The following NKD2 variants were observed in gnomAD, a reference collection of about 807,000 sequenced individuals.
The protein encoded by NKD2 is protein naked cuticle homolog 2.
Under a neutral mutation model 34.8 loss-of-function variants are expected in NKD2, and 43 were observed. The observed-to-expected ratio is 1.24, with a 90% CI of 0.97 to 1.60. The LOEUF (loss-of-function observed/expected upper bound fraction) is 1.60. NKD2 is among the 40% of genes most tolerant of loss of function. The pLI, the probability that NKD2 is intolerant of heterozygous loss-of-function variation, is 0.00. For synonymous variants in NKD2, 278 were observed against 265.1 expected, an observed-to-expected ratio of 1.05 and a Z score of -0.47; for missense variants, 675 against 627.1, an observed-to-expected ratio of 1.08 and a Z score of -0.82.
Position 1,036,301 on chromosome 5 carries a change from A to C in NKD2, c.704A>C (p.Tyr235Ser), listed in dbSNP as rs752465750. 6.2e-7 allele frequency: 1 copy of C among 1,612,620 alleles called. No homozygotes were observed. The highest frequency in any genetic ancestry group is 8.5e-7 in the Non-Finnish European group (1 of 1,179,708). ...DPQPCSERGP[Y>S]CVDENTERRN... Reference sequence around the variant, plus strand: ...CAGCCCTGCTCGGAGCGGGGGCCCTACTGCGTGGACGAGAACACGGAGCGC... The same window carrying C: ...CAGCCCTGCTCGGAGCGGGGGCCCTCCTGCGTGGACGAGAACACGGAGCGC... Residue 235 changes from tyrosine to serine, a missense_variant, in exon 9 of 10, where the codon TAC (tyrosine) becomes TCC (serine). Physicochemically the swap from Tyr to Ser is moderately radical, Grantham distance 144 (BLOSUM62 -2). Coordinates refer to ENST00000296849, the MANE Select transcript of NKD2 (RefSeq NM_033120.4).
intron 3 of NKD2, among the ~76,000 whole-genome samples, chr5:1,010,415 GT>G (rs2150722819): frequency 6.6e-6 from 1 of 152,284 alleles, no homozygotes; most frequent in South Asian, 2.1e-4. Context: ...CACGCAATCA[GT>G]TTCCTTTTTG....
In NKD2 at chr5:1,033,477, G is replaced by A. The variant is rs890663526; in HGVS notation, c.308G>A (p.Gly103Asp). The A allele has an allele frequency of 8.4e-6, 13 of 1,551,532 alleles. No homozygotes were observed. In the African/African-American group the frequency reaches 1.8e-4, roughly 21 times the overall value. ...AANREGPRGP[G>D]GQRLNIDALQ... ...AACCGCGAGGGCCCGCGAGGACCGG[G>A]CGGGCAGCGCCTCAACATTGACGTG... The change falls in exon 5 of 10, where the codon GGC becomes GAC. Residue 103 changes from glycine to aspartate, a missense_variant. Gly to Asp is a moderately conservative substitution (Grantham distance 94). Transcript: ENST00000296849.
At chr5:1,028,440 A>C (rs199872691) in intron 3 of NKD2, among the ~76,000 whole-genome samples, 280 of 152,052 alleles carry the variant, frequency 1.8e-3, no homozygotes, top group African/African-American at 6.4e-3. Context: ...TGAGTGAGGG[A>C]GTGGGGTTGA....
chr5:1,037,121 A>G (rs1734020737), intron 9 of NKD2, among the ~76,000 whole-genome samples: 1 of 152,070 alleles, frequency 6.6e-6, no homozygotes, highest in African/African-American at 2.4e-5. Flanking sequence ...GGTGGATGGC[A>G]GGCAGCATAG....
At chr5:1,030,451 CTG>C (rs1756600411) in intron 3 of NKD2, among the ~76,000 whole-genome samples, 1 of 152,232 alleles carries the variant, frequency 6.6e-6, no homozygotes, top group African/African-American at 2.4e-5. Flanking sequence ...CACGAGGATT[CTG>C]TGCCCATGGG....
chr5:1,012,978 CA>C (rs1381032312), intron 3 of NKD2, among the ~76,000 whole-genome samples: 1 of 152,166 alleles, frequency 6.6e-6, no homozygotes, highest in Non-Finnish European at 1.5e-5. Flanking sequence ...AGGGTGGGGG[CA>C]AGATACACAT....
chr5:1,033,942 C>A (rs969816728), intron 5 of NKD2, among the ~76,000 whole-genome samples: 1 of 152,230 alleles, frequency 6.6e-6, no homozygotes, highest in African/African-American at 2.4e-5. Flanking sequence ...CCAGTGTGTC[C>A]TCTTCTCCTT....
intron 8 of NKD2, chr5:1,035,766 C>A: frequency 2.1e-6 from 1 of 472,494 alleles, no homozygotes; most frequent in East Asian, 3.5e-5. Flanking sequence ...CCTGTGGCTC[C>A]ACTCAGCAGC....
At chr5:1,013,567 G>A (rs1003187019) in intron 3 of NKD2, among the ~76,000 whole-genome samples, 2 of 152,240 alleles carry the variant, frequency 1.3e-5, no homozygotes, top group African/African-American at 4.8e-5. Context: ...CCATAGGACG[G>A]GTTGGATACC....
At position 1,038,528 on chromosome 5, in the gene NKD2, T is replaced by C; in HGVS notation, c.*155T>C. ...CAACTGACTGCAGGTGCTGGCATGA[T>C]GGAGGTGGTGCACCTTGGACACGTG... is the stretch of plus-strand genomic sequence containing the variant. On this transcript the variant is annotated 3_prime_UTR_variant, in exon 10 of 10. Transcript: ENST00000296849. The surrounding 1 kb of genome is among the most constrained non-coding windows in gnomAD (Gnocchi z 4.5). The C allele has an allele frequency of 1.4e-6, 2 of 1,463,330 alleles. No individual in the cohort carries two copies. The highest frequency in any genetic ancestry group is 1.2e-5 in the South Asian group (1 of 81,928). The allele number at this position is 1,463,330 out of a possible 1,614,324, so 90.6% of individuals were successfully genotyped here. A position where few individuals can be genotyped will look rare whatever the true frequency, so the allele number is the denominator to read the frequency against.
At chr5:1,020,566 A>T (rs574871013) in intron 3 of NKD2, among the ~76,000 whole-genome samples, 4 of 151,752 alleles carry the variant, frequency 2.6e-5, no homozygotes, top group Non-Finnish European at 4.4e-5. Context: ...GCGTCGGTTA[A>T]TGCGGGTAAA....
At chr5:1,019,566 C>T (rs564978882) in intron 3 of NKD2, among the ~76,000 whole-genome samples, 5 of 152,254 alleles carry the variant, frequency 3.3e-5, no homozygotes, top group East Asian at 1.9e-4. Flanking sequence ...GAGATTGTCG[C>T]GTGCAGGGCA....
Position 1,032,214 on chromosome 5 carries a change from T to G in NKD2, c.202+2T>G, listed in dbSNP as rs1295820693. 6.2e-7 allele frequency: 1 copy of G among 1,606,838 alleles called. No individual in the cohort carries two copies. The highest frequency in any genetic ancestry group is 1.1e-5 in the South Asian group (1 of 90,650). ...GGGAGGACCAGTGTCCCCTACAGGGTGAGTGCAGCTCCCGCAGCCCTCCCT... is the reference window on the plus strand; with the variant it reads ...GGGAGGACCAGTGTCCCCTACAGGGGGAGTGCAGCTCCCGCAGCCCTCCCT... On this transcript the variant is annotated splice_donor_variant, in intron 4 of 9. Transcript: ENST00000296849. LOFTEE classifies it high-confidence loss of function.
chr5:1,028,842 G>A (rs1053037276), intron 3 of NKD2, among the ~76,000 whole-genome samples: 2 of 152,102 alleles, frequency 1.3e-5, no homozygotes, highest in Non-Finnish European at 2.9e-5. Flanking sequence ...AGGAGGGCGA[G>A]GCCAGGTGGG....
chr5:1,020,660 G>A (rs1206950351), intron 3 of NKD2, among the ~76,000 whole-genome samples: 1 of 146,488 alleles, frequency 6.8e-6, no homozygotes, highest in Non-Finnish European at 1.5e-5. Context: ...CTGACCACGT[G>A]TTGCTTGTCT....
At chr5:1,028,722 G>A (rs961941911) in intron 3 of NKD2, among the ~76,000 whole-genome samples, 1 of 152,114 alleles carries the variant, frequency 6.6e-6, no homozygotes, top group Non-Finnish European at 1.5e-5. Flanking sequence ...GACAGGAAGG[G>A]GGGCGGAACA....
At chr5:1,030,379 C>T (rs1430054757) in intron 3 of NKD2, among the ~76,000 whole-genome samples, 2 of 152,172 alleles carry the variant, frequency 1.3e-5, no homozygotes, top group African/African-American at 2.4e-5. Flanking sequence ...TCGGCAGCCA[C>T]CTCCAAGCAC....
intron 7 of NKD2, 114 bp downstream of exon 7, chr5:1,035,017 TG>T: frequency 1.0e-6 from 1 of 986,236 alleles, no homozygotes; most frequent in Non-Finnish European, 1.5e-6. Context: ...AGTGGGTGAA[TG>T]GATGGGTGAG....
Position 1,038,351 on chromosome 5 carries a change from A to G in NKD2, c.1334A>G (p.His445Arg). ...HHHEHHHHHH[H>R]HHFHPS ...CACGAGCACCACCACCACCACCACCACCACCACTTCCACCCGTCCTAGCGC... is the reference window on the plus strand; with the variant it reads ...CACGAGCACCACCACCACCACCACCGCCACCACTTCCACCCGTCCTAGCGC... The change falls in exon 10 of 10, where the codon CAC becomes CGC. Residue 445 changes from histidine to arginine, a missense_variant. Coordinates refer to ENST00000296849, the MANE Select transcript of NKD2 (RefSeq NM_033120.4). The surrounding 1 kb of genome is among the most constrained non-coding windows in gnomAD (Gnocchi z 4.5). The G allele has an allele frequency of 6.5e-7, 1 of 1,535,340 alleles. No individual in the cohort carries two copies.
Sources: gnomAD v4.1 joint callset for allele counts (sites outside exome capture counted in the v4.1 genomes callset) on GRCh38, gnomAD v4.1.1 for gene constraint, Gnocchi (gnomAD v3.1) non-coding constraint, MANE v1.5 for transcripts, NCBI Gene and HGNC (gene_info 2026-07-23, HGNC 2026-07-21) for gene names.